XKR6: variants seen among roughly 807,000 people sequenced by gnomAD.
XKR6 encodes the protein XK related 6.
Under a neutral mutation model 56.7 loss-of-function variants are expected in XKR6, and 22 were observed. The observed-to-expected ratio is 0.39, with a 90% confidence interval of 0.28 to 0.55. The LOEUF (loss-of-function observed/expected upper bound fraction) is 0.55. XKR6 is among the 20% of genes least tolerant of loss of function. XKR6 has a pLI of 0.66. For synonymous variants in XKR6, 524 were observed against 387.8 expected (o/e 1.35, Z -4.13); for missense variants, 852 against 889.0 (o/e 0.96, Z 0.53).
At chr8:11,047,539 A>G (rs1799440553) in intron 1 of XKR6, among the ~76,000 whole-genome samples, 1 of 152,158 alleles carries the variant, frequency 6.6e-6, no homozygotes, top group South Asian at 2.1e-4. Context: ...CAAATTCCAC[A>G]TGATTCCACA....
At chr8:11,152,935 G>C (rs566958811) in intron 1 of XKR6, among the ~76,000 whole-genome samples, 1 of 152,196 alleles carries the variant, frequency 6.6e-6, no homozygotes, top group African/African-American at 2.4e-5. Flanking sequence ...GGCCCAAGCT[G>C]TAGCCCACAG....
At chr8:10,989,454 T>A (rs979188983) in intron 1 of XKR6, among the ~76,000 whole-genome samples, 12 of 152,156 alleles carry the variant, frequency 7.9e-5, no homozygotes, top group African/African-American at 2.9e-4. Context: ...TACGTTACGT[T>A]TAATTTAAAA....
chr8:10,976,402 G>C (rs1285294064), intron 1 of XKR6, among the ~76,000 whole-genome samples: 7 of 152,166 alleles, frequency 4.6e-5, no homozygotes, highest in Non-Finnish European at 1.0e-4. Context: ...CCAGCTCCCA[G>C]AGACCCGGAG....
intron 1 of XKR6, among the ~76,000 whole-genome samples, chr8:11,048,865 C>G (rs1799475071): frequency 6.6e-6 from 1 of 152,246 alleles, no homozygotes; most frequent in Non-Finnish European, 1.5e-5. Context: ...CTTACCCCTG[C>G]CCCATGGCAC....
At chr8:11,123,593 C>T (rs1041634334) in intron 1 of XKR6, 7 of 305,158 alleles carry the variant, frequency 2.3e-5, no homozygotes, top group African/African-American at 8.7e-5. Flanking sequence ...TGGATATACA[C>T]GAGGATTAAA....
chr8:11,048,104 C>A (rs1363175161), intron 1 of XKR6, among the ~76,000 whole-genome samples: 2 of 152,148 alleles, frequency 1.3e-5, no homozygotes, highest in Non-Finnish European at 2.9e-5. Flanking sequence ...TTCGATCACA[C>A]ACCCCCCACG....
intron 1 of XKR6, among the ~76,000 whole-genome samples, chr8:11,052,488 C>T (rs1489284871): frequency 6.6e-6 from 1 of 152,178 alleles, no homozygotes; most frequent in Non-Finnish European, 1.5e-5. Flanking sequence ...TGGCATCTGG[C>T]ATGCAGATGG....
At chr8:11,104,671 A>G (rs1375898141) in intron 1 of XKR6, 4 of 152,192 alleles carry the variant, frequency 2.6e-5, no homozygotes, top group African/African-American at 9.7e-5. Context: ...TAAAAATAAT[A>G]CCAGTTATAA....
chr8:10,943,261 C>G (rs1014968850), intron 1 of XKR6, among the ~76,000 whole-genome samples: 1 of 152,220 alleles, frequency 6.6e-6, no homozygotes, highest in Non-Finnish European at 1.5e-5. Flanking sequence ...GCCTGTAAGC[C>G]TTTGCCAGGC....
intron 1 of XKR6, among the ~76,000 whole-genome samples, chr8:11,048,123 C>G (rs10089082): frequency 1.3e-5 from 2 of 152,036 alleles, no homozygotes; most frequent in Non-Finnish European, 2.9e-5. Context: ...CGCTCAGTCA[C>G]TGCAGCAGCC....
chr8:10,921,515 A>G (rs1182177930), intron 2 of XKR6, among the ~76,000 whole-genome samples: 1 of 152,204 alleles, frequency 6.6e-6, no homozygotes, highest in Non-Finnish European at 1.5e-5. Flanking sequence ...AAGTTTACAA[A>G]GTGCTCTCTT....
At chr8:11,119,572 T>C (rs1327975164) in intron 1 of XKR6, among the ~76,000 whole-genome samples, 1 of 152,208 alleles carries the variant, frequency 6.6e-6, no homozygotes, top group Non-Finnish European at 1.5e-5. Context: ...AATGGCCTTG[T>C]CTCTTTTGAT....
chr8:10,900,908 G>C (rs1032543498), intron 2 of XKR6, among the ~76,000 whole-genome samples: 3 of 146,264 alleles, frequency 2.1e-5, no homozygotes, highest in African/African-American at 7.8e-5. Flanking sequence ...AGGCTGGAGT[G>C]CAGAGGCATA....
In XKR6 at chr8:11,026,254, C is replaced by A. The variant is rs150398311; in HGVS notation, c.765-101424G>T. On this transcript the variant is annotated intron_variant, in intron 1 of 2. Coordinates refer to ENST00000416569, the MANE Select transcript of XKR6 (RefSeq NM_173683.4). ...CTACTACACACCTAGATAGTCTAGC[C>A]TACTACACTCTTAATGGTGTTGCCT... Among the ~76,000 whole-genome samples the A allele has an allele frequency of 7.6e-3, 1,151 of 151,378 alleles. 17 individuals are homozygous for A. The highest frequency in any genetic ancestry group is 0.026 in the African/African-American group (1,083 of 41,158).
chr8:11,096,018 A>G (rs972417248), intron 1 of XKR6, among the ~76,000 whole-genome samples: 4 of 152,276 alleles, frequency 2.6e-5, no homozygotes, highest in African/African-American at 7.2e-5. Flanking sequence ...TTGACTAGAT[A>G]AAAGTAAACT....
intron 1 of XKR6, among the ~76,000 whole-genome samples, chr8:10,949,821 T>G (rs1011439972): frequency 6.6e-6 from 1 of 152,014 alleles, no homozygotes; most frequent in African/African-American, 2.4e-5. Context: ...CGAGGAAGAT[T>G]CCAGGAGGAG....
chr8:11,002,065 TA>T lies in XKR6; in HGVS notation c.765-77236del, dbSNP rs541621602. Among the ~76,000 whole-genome samples, 392 of 126,974 alleles carry T rather than the reference TA, an allele frequency of 3.1e-3. 1 individual carries two copies. Among genetic ancestry groups the T allele is most frequent in the East Asian group, 4.5e-3 (21 of 4,620 alleles). 83.3% of individuals were successfully genotyped at this position (126,974 alleles called of 152,430 possible). A position where few individuals can be genotyped will look rare whatever the true frequency, so the allele number is the denominator to read the frequency against. On this transcript the variant is annotated intron_variant, in intron 1 of 2. Coordinates refer to ENST00000416569, the MANE Select transcript of XKR6 (RefSeq NM_173683.4). Reference sequence around the variant, plus strand: ...AAATCCATGTCGTTACCATGTGAGTTAAAAAAAAAAAAAAAACACACAAAAA... The same window carrying T: ...AAATCCATGTCGTTACCATGTGAGTTAAAAAAAAAAAAAAACACACAAAAA...
intron 1 of XKR6, chr8:11,123,525 A>G: frequency 4.3e-6 from 1 of 235,000 alleles, no homozygotes; most frequent in Admixed American, 5.1e-5. Flanking sequence ...AGCCTGACAA[A>G]GCTTCTATGA....
chr8:11,013,083 G>C (rs1016020057), intron 1 of XKR6, among the ~76,000 whole-genome samples: 6 of 152,170 alleles, frequency 3.9e-5, no homozygotes, highest in African/African-American at 1.4e-4. Flanking sequence ...AGCAGGTTGG[G>C]TGCCAAGCTC....
Sources: gnomAD v4.1 joint callset for allele counts (sites outside exome capture counted in the v4.1 genomes callset) on GRCh38, gnomAD v4.1.1 for gene constraint, MANE v1.5 for transcripts, NCBI Gene and HGNC (gene_info 2026-07-23, HGNC 2026-07-21) for gene names.